Variants in LDLRAD4 observed in about 807,000 individuals in gnomAD.
The protein encoded by LDLRAD4 is low density lipoprotein receptor class A domain containing 4, also known as low-density lipoprotein receptor class A domain-containing protein 4.
In LDLRAD4, 5 loss-of-function variants were observed where a neutral mutation model predicts 17.0. The ratio of observed to expected loss-of-function variants is 0.29; its 90% CI spans 0.15 to 0.62. The LOEUF (loss-of-function observed/expected upper bound fraction) is 0.62, where lower values mean the gene tolerates loss of function less well. Ranked by LOEUF, LDLRAD4 falls within the 20% of genes least tolerant of loss-of-function variation. LDLRAD4 has a pLI of 0.84. For missense variants in LDLRAD4, 340 were observed against 424.7 expected (o/e 0.80, Z 1.75); for synonymous variants, 168 against 171.8 (o/e 0.98, Z 0.17).
chr18:13,644,067 A>T (rs1192194081), intron 5 of LDLRAD4, among the ~76,000 whole-genome samples: 1 of 152,212 alleles, frequency 6.6e-6, no homozygotes, highest in Non-Finnish European at 1.5e-5. Flanking sequence ...AATATTTTTC[A>T]TGTCAGTGAC....
intron 1 of LDLRAD4, among the ~76,000 whole-genome samples, chr18:13,230,860 C>T (rs1487789384): frequency 6.6e-6 from 1 of 152,222 alleles, no homozygotes; most frequent in African/African-American, 2.4e-5. Flanking sequence ...CTATCTGAAC[C>T]CTCCAGGGCG....
chr18:13,318,492 C>T (rs993430925), intron 1 of LDLRAD4, among the ~76,000 whole-genome samples: 2 of 152,142 alleles, frequency 1.3e-5, no homozygotes, highest in Non-Finnish European at 2.9e-5. Context: ...GAATTCCTGA[C>T]CTCAGGAGAT....
chr18:13,239,088 G>A (rs1040666534), intron 1 of LDLRAD4, among the ~76,000 whole-genome samples: 1 of 151,758 alleles, frequency 6.6e-6, no homozygotes, highest in African/African-American at 2.4e-5. Flanking sequence ...TCAGGGGGCT[G>A]AGGCAGGATA....
intron 1 of LDLRAD4, among the ~76,000 whole-genome samples, chr18:13,308,112 A>C (rs545836729): frequency 2.0e-4 from 30 of 152,056 alleles, no homozygotes; most frequent in African/African-American, 6.8e-4. Context: ...AGCCACCTCC[A>C]CCCTTCATCA....
At chr18:13,563,726 T>C (rs1331069057) in intron 3 of LDLRAD4, among the ~76,000 whole-genome samples, 1 of 152,120 alleles carries the variant, frequency 6.6e-6, no homozygotes, top group Non-Finnish European at 1.5e-5. Context: ...CTTAAGTGCC[T>C]GGCAAATGCC....
chr18:13,505,599 C>A (rs375837265), intron 3 of LDLRAD4, among the ~76,000 whole-genome samples: 12 of 152,258 alleles, frequency 7.9e-5, no homozygotes, highest in South Asian at 4.2e-4. Context: ...GCGGGCGGAT[C>A]ACAAGGTCAG....
chr18:13,414,697 C>G (rs2088706843), intron 2 of LDLRAD4, among the ~76,000 whole-genome samples: 1 of 152,210 alleles, frequency 6.6e-6, no homozygotes, highest in Non-Finnish European at 1.5e-5. Context: ...TTGCAGACAC[C>G]TGCCCTTGCT....
At chr18:13,538,811 C>A (rs1242975729) in intron 3 of LDLRAD4, among the ~76,000 whole-genome samples, 4 of 152,210 alleles carry the variant, frequency 2.6e-5, no homozygotes, top group Non-Finnish European at 5.9e-5. Flanking sequence ...CAGGCATGAG[C>A]CACTGTGCCT....
chr18:13,324,978 G>A (rs2081443329), intron 1 of LDLRAD4, among the ~76,000 whole-genome samples: 1 of 152,154 alleles, frequency 6.6e-6, no homozygotes, highest in South Asian at 2.1e-4. Context: ...CAGTAAATCT[G>A]CATTTTACAC....
chr18:13,388,533 A>G (rs2086005921), intron 2 of LDLRAD4, among the ~76,000 whole-genome samples: 1 of 148,774 alleles, frequency 6.7e-6, no homozygotes, highest in Non-Finnish European at 1.5e-5. Flanking sequence ...TAAGAGAAAG[A>G]TGGTAGAAAT....
intron 3 of LDLRAD4, chr18:13,488,627 T>G (rs2093289130): frequency 6.6e-6 from 1 of 152,256 alleles, no homozygotes; most frequent in Non-Finnish European, 1.5e-5. Context: ...GACTAGTTCT[T>G]GTTTCCCATC....
chr18:13,433,051 T>G (rs1209917309), intron 2 of LDLRAD4, among the ~76,000 whole-genome samples: 2 of 152,196 alleles, frequency 1.3e-5, no homozygotes, highest in African/African-American at 4.8e-5. Context: ...ATCTTACACC[T>G]TGCAGGGGAA....
At chr18:13,391,040 G>C (rs182016582) in intron 2 of LDLRAD4, among the ~76,000 whole-genome samples, 2 of 152,168 alleles carry the variant, frequency 1.3e-5, no homozygotes, top group Non-Finnish European at 2.9e-5. Flanking sequence ...TCAGGAGTCC[G>C]GTGCCCAGCC....
chr18:13,426,413 A>C (rs994074772), intron 2 of LDLRAD4, among the ~76,000 whole-genome samples: 1 of 152,220 alleles, frequency 6.6e-6, no homozygotes, highest in Admixed American at 6.5e-5. Context: ...CTGGCCTGGC[A>C]TAGGTTGTCA....
At position 13,389,737 on chromosome 18, in the gene LDLRAD4, C is replaced by T. The variant is rs567030815; in HGVS notation, c.40+1975C>T. ...CACGTGGCTCCCACTGAGACACCCA[C>T]GCCATCCTCACACTCTGGGGTGCTG... On this transcript the variant is annotated intron_variant, in intron 2 of 5. Coordinates refer to ENST00000359446, the Ensembl canonical transcript of LDLRAD4. Among the ~76,000 whole-genome samples, 60 of 152,224 alleles carry T rather than the reference C, an allele frequency of 3.9e-4. 1 individual carries two copies. The highest frequency in any genetic ancestry group is 2.5e-3 in the Admixed American group (38 of 15,296).
chr18:13,494,728 T>A (rs923763433), intron 3 of LDLRAD4, among the ~76,000 whole-genome samples: 3 of 75,280 alleles, frequency 4.0e-5, no homozygotes, highest in Non-Finnish European at 9.6e-5. Context: ...ACATACACAT[T>A]GAATAAATGA....
In LDLRAD4 at chr18:13,268,578, C is replaced by G. The variant is rs936189853; in HGVS notation, c.-466-9527C>G. 3.3e-5 allele frequency among the ~76,000 whole-genome samples: 5 copies of G among 152,236 alleles called. No individual in the cohort carries two copies. The East Asian group carries it at 9.6e-4, about 29-fold the overall frequency. On this transcript the variant is annotated intron_variant, in intron 1 of 5. Transcript: ENST00000399848. ...GTTTCCCCTCTTGGCGTCCCTTTCT[C>G]TTACCTAAGTTGTTAACTCCAGACT...
chr18:13,433,439 T>C (rs1229538726), intron 2 of LDLRAD4, among the ~76,000 whole-genome samples: 2 of 152,244 alleles, frequency 1.3e-5, no homozygotes, highest in South Asian at 2.1e-4. Context: ...GATGTAATGC[T>C]GTATATAGGT....
At chr18:13,576,308 G>A (rs1181043147) in intron 3 of LDLRAD4, among the ~76,000 whole-genome samples, 1 of 151,850 alleles carries the variant, frequency 6.6e-6, no homozygotes, top group African/African-American at 2.4e-5. Context: ...TGTAGTCCCA[G>A]CTACTTGGGA....
Sources: gnomAD v4.1 joint callset for allele counts (sites outside exome capture counted in the v4.1 genomes callset) on GRCh38, gnomAD v4.1.1 for gene constraint, MANE v1.5 for transcripts, NCBI Gene and HGNC (gene_info 2026-07-23, HGNC 2026-07-21) for gene names.